DGKI: variants seen among roughly 807,000 people sequenced by gnomAD.
DGKI encodes DAG kinase iota.
In DGKI, 55 loss-of-function variants were observed where a neutral mutation model predicts 147.5. That is an observed-to-expected ratio of 0.37 (90% CI 0.30 to 0.47). The LOEUF is 0.47. Among genes scored for constraint, DGKI ranks in the 20% least tolerant of loss-of-function variants. DGKI has a pLI of 1.00. For synonymous variants in DGKI, 469 were observed against 477.1 expected (o/e 0.98, Z 0.22); for missense variants, 1,007 against 1,323.8 (o/e 0.76, Z 3.71).
At chr7:137,469,730 A>G in intron 23 of DGKI, 111 bp from the exon 24 acceptor site, 3 of 856,410 alleles carry the variant, frequency 3.5e-6, no homozygotes, top group Non-Finnish European at 5.1e-6. Flanking sequence ...AGAAGAGCAA[A>G]TCACATTTTT....
chr7:137,565,340 GTTAT>G (rs1377943019), intron 19 of DGKI, among the ~76,000 whole-genome samples: 9 of 151,820 alleles, frequency 5.9e-5, no homozygotes, highest in Admixed American at 1.3e-4. Flanking sequence ...ATCAAATATA[GTTAT>G]TTATTTATGA....
intron 1 of DGKI, among the ~76,000 whole-genome samples, chr7:137,798,041 A>G (rs1346401108): frequency 1.3e-5 from 2 of 152,170 alleles, no homozygotes; most frequent in Non-Finnish European, 2.9e-5. Flanking sequence ...TCTTACTGAA[A>G]TATAAGGGAA....
chr7:137,646,904 G>T (rs778849821), intron 5 of DGKI, among the ~76,000 whole-genome samples: 16 of 152,134 alleles, frequency 1.1e-4, no homozygotes, highest in Non-Finnish European at 2.2e-4. Flanking sequence ...ATACTGAAAT[G>T]CCACCTCTAT....
chr7:137,571,231 G>A lies in DGKI; in HGVS notation c.1891C>T (p.Pro631Ser), dbSNP rs761275676. 1.9e-6 allele frequency: 3 copies of A among 1,613,326 alleles called. No individual in the cohort carries two copies. Among genetic ancestry groups the A allele is most frequent in the Non-Finnish European group, 8.5e-7 (1 of 1,179,914 alleles). The stretch of plus-strand genomic sequence containing the variant: ...ATATAACCATCATCATGACGCTGAG[G>A]TTCGAAATCATGGTGATCACCTGGG... The part of the protein sequence containing the change: ...GNPGDHHDFE[P>S]QRHDDGYIEV... Residue 631 changes from proline (P) to serine (S), a missense_variant, in exon 19 of 33, where the codon CCT becomes TCT. Coordinates refer to ENST00000614521, the MANE Select transcript of DGKI (RefSeq NM_001321708.2).
At chr7:137,437,617 A>G (rs1303352754) in intron 28 of DGKI, among the ~76,000 whole-genome samples, 1 of 152,192 alleles carries the variant, frequency 6.6e-6, no homozygotes, top group Non-Finnish European at 1.5e-5. Context: ...AAATTTCACC[A>G]CAAAATTTGA....
intron 1 of DGKI, among the ~76,000 whole-genome samples, chr7:137,793,403 C>A (rs1046374680): frequency 6.6e-6 from 1 of 151,838 alleles, no homozygotes. Flanking sequence ...CGGGTTCAAG[C>A]GAGTCTCCTG....
At chr7:137,514,453 G>A (rs1816685724) in intron 21 of DGKI, among the ~76,000 whole-genome samples, 1 of 152,084 alleles carries the variant, frequency 6.6e-6, no homozygotes, top group Non-Finnish European at 1.5e-5. Flanking sequence ...TTCTTAGTGT[G>A]CATCTTACTC....
At chr7:137,479,672 T>A (rs1052495720) in intron 23 of DGKI, among the ~76,000 whole-genome samples, 2 of 152,182 alleles carry the variant, frequency 1.3e-5, no homozygotes, top group African/African-American at 2.4e-5. Flanking sequence ...TTTTCTTTCA[T>A]AAAATTGAGA....
intron 6 of DGKI, among the ~76,000 whole-genome samples, chr7:137,637,277 C>T (rs1005751731): frequency 2.6e-5 from 4 of 152,188 alleles, no homozygotes; most frequent in Non-Finnish European, 4.4e-5. Context: ...ACTCCGAGTC[C>T]GTTTCTTGGG....
intron 7 of DGKI, among the ~76,000 whole-genome samples, chr7:137,621,450 C>G (rs1210411163): frequency 6.6e-6 from 1 of 152,158 alleles, no homozygotes; most frequent in Non-Finnish European, 1.5e-5. Flanking sequence ...AAAACCCCAA[C>G]CCTGGAAATC....
intron 23 of DGKI, among the ~76,000 whole-genome samples, chr7:137,484,675 G>C (rs1237364281): frequency 6.6e-6 from 1 of 152,004 alleles, no homozygotes; most frequent in Non-Finnish European, 1.5e-5. Context: ...CAAGTGGGAT[G>C]GGGAAGTTGG....
At chr7:137,595,501 C>T (rs28683654) in intron 12 of DGKI, among the ~76,000 whole-genome samples, 7,277 of 152,194 alleles carry the variant, frequency 0.048, 412 homozygotes, top group African/African-American at 0.13. Flanking sequence ...TGGTGGCTGT[C>T]CTATTCTTCT....
chr7:137,525,524 C>T (rs1441750967), intron 20 of DGKI, among the ~76,000 whole-genome samples: 1 of 152,298 alleles, frequency 6.6e-6, no homozygotes, highest in African/African-American at 2.4e-5. Context: ...GTGAGGAGCT[C>T]AGGCTCCAAG....
At chr7:137,710,717 G>A (rs1563161370) in intron 1 of DGKI, among the ~76,000 whole-genome samples, 2 of 152,002 alleles carry the variant, frequency 1.3e-5, no homozygotes, top group Non-Finnish European at 1.5e-5. Context: ...AAAGTGAACA[G>A]AAGTATTTAA....
chr7:137,716,558 A>G (rs1250324658), intron 1 of DGKI, among the ~76,000 whole-genome samples: 1 of 152,204 alleles, frequency 6.6e-6, no homozygotes, highest in Non-Finnish European at 1.5e-5. Context: ...TGAAATCACT[A>G]TTCTCTCAAC....
chr7:137,746,613 G>T (rs564427063), intron 1 of DGKI, among the ~76,000 whole-genome samples: 1 of 152,242 alleles, frequency 6.6e-6, no homozygotes, highest in Non-Finnish European at 1.5e-5. Context: ...CAAACCATTT[G>T]GGTCTAGGTG....
At chr7:137,466,430 AT>A (rs1313482550) in intron 25 of DGKI, among the ~76,000 whole-genome samples, 6 of 152,176 alleles carry the variant, frequency 3.9e-5, no homozygotes, top group Non-Finnish European at 1.5e-5. Flanking sequence ...AATACTGTAC[AT>A]TTTTCTCCTA....
chr7:137,387,531 T>G lies in DGKI; in HGVS notation c.*3689A>C, dbSNP rs1811210783. 6.6e-6 allele frequency: 1 copy of G among 152,230 alleles called. No individual in the cohort carries two copies. The highest frequency in any genetic ancestry group is 1.5e-5 in the Non-Finnish European group (1 of 68,040). The allele number at this position is 152,230 out of a possible 1,614,324, so 9.4% of individuals were successfully genotyped here. A position where few individuals can be genotyped will look rare whatever the true frequency, so the allele number is the denominator to read the frequency against. On this transcript the variant is annotated 3_prime_UTR_variant, in exon 33 of 33. Transcript: ENST00000614521. Reference sequence around the variant, plus strand: ...GCAATATACATGAATATAGTATACATACTTGCATGTGTATATAAATAAATG... The same window carrying G: ...GCAATATACATGAATATAGTATACAGACTTGCATGTGTATATAAATAAATG...
intron 28 of DGKI, among the ~76,000 whole-genome samples, chr7:137,426,757 C>T (rs560599158): frequency 8.6e-5 from 13 of 151,286 alleles, no homozygotes; most frequent in African/African-American, 2.9e-4. Flanking sequence ...ATCCTAGTCT[C>T]TGATAAAACA....
Sources: allele counts gnomAD v4.1 joint callset (sites outside exome capture counted in the v4.1 genomes callset), GRCh38; gene constraint gnomAD v4.1.1; transcripts MANE v1.5; gene names NCBI Gene and HGNC (gene_info 2026-07-23, HGNC 2026-07-21).